KLF8: variants seen among roughly 807,000 people sequenced by gnomAD.
KLF8 encodes the protein KLF transcription factor 8.
In KLF8, 10 loss-of-function variants were observed where a neutral mutation model predicts 18.2. The ratio of observed to expected loss-of-function variants is 0.55; its 90% CI spans 0.34 to 0.93. KLF8 has a LOEUF of 0.93. KLF8 is among the 40% of genes least tolerant of loss of function. The pLI is 0.02. For synonymous variants in KLF8, 109 were observed against 97.3 expected (o/e 1.12, Z -0.71); for missense variants, 264 against 277.9 (o/e 0.95, Z 0.36).
chrX:55,997,949 C>A, the KLF8 span, among the ~76,000 whole-genome samples: 2 of 111,186 alleles, frequency 1.8e-5, no homozygotes, highest in African/African-American at 6.6e-5. Context: ...ATTTATTGAT[C>A]ATTCGTGGGT....
At chrX:55,969,294 G>A in the KLF8 span, among the ~76,000 whole-genome samples, 1 of 111,478 alleles carries the variant, frequency 9.0e-6, no homozygotes, top group Admixed American at 9.5e-5. Context: ...ATCAAAAACA[G>A]AACAATTTTG....
At chrX:55,957,857 G>A in the KLF8 span, among the ~76,000 whole-genome samples, 1 of 111,075 alleles carries the variant, frequency 9.0e-6, no homozygotes, top group African/African-American at 3.3e-5. Flanking sequence ...CTTTGTTCCA[G>A]GCATTAAGTG....
At chrX:55,937,871 A>G in the KLF8 span, among the ~76,000 whole-genome samples, 69 of 112,167 alleles carry the variant, frequency 6.2e-4, no homozygotes, top group African/African-American at 2.1e-3. Flanking sequence ...ATATGGGACT[A>G]TGGGAAAAGA....
the KLF8 span, among the ~76,000 whole-genome samples, chrX:56,185,782 T>A: frequency 9.0e-6 from 1 of 111,626 alleles, no homozygotes; most frequent in Admixed American, 9.6e-5. Flanking sequence ...CTAAGCTTCA[T>A]AAGTGAAGGA....
chrX:55,942,473 C>G, the KLF8 span, among the ~76,000 whole-genome samples: 1 of 110,091 alleles, frequency 9.1e-6, no homozygotes, highest in Non-Finnish European at 1.9e-5. Flanking sequence ...ACATATATAA[C>G]AAATCTGTAC....
the KLF8 span, among the ~76,000 whole-genome samples, chrX:56,055,731 A>G: frequency 9.0e-6 from 1 of 111,499 alleles, no homozygotes; most frequent in African/African-American, 3.3e-5. Flanking sequence ...TCTTTACACA[A>G]TCCCATATTT....
chrX:56,003,396 C>T, the KLF8 span, among the ~76,000 whole-genome samples: 25 of 102,624 alleles, frequency 2.4e-4, no homozygotes, highest in African/African-American at 8.6e-4. Context: ...GGTGACAGAG[C>T]GAGACTCCGT....
At chrX:55,946,936 G>A in the KLF8 span, among the ~76,000 whole-genome samples, 2 of 111,780 alleles carry the variant, frequency 1.8e-5, no homozygotes, top group Non-Finnish European at 3.8e-5. Context: ...ACCACAATGA[G>A]ATACCATCTC....
At chrX:56,269,085 C>A in intron 3 of KLF8, 1 of 908,559 alleles carries the variant, frequency 1.1e-6, no homozygotes, top group South Asian at 3.3e-5. Context: ...AAAGATGAAT[C>A]ATACCCAGAC....
the KLF8 span, among the ~76,000 whole-genome samples, chrX:56,172,393 G>C: frequency 2.7e-5 from 3 of 111,194 alleles, no homozygotes; most frequent in Non-Finnish European, 5.7e-5. Flanking sequence ...TACTGAGAAT[G>C]ATGGTTTCCA....
At chrX:56,078,258 A>G in the KLF8 span, among the ~76,000 whole-genome samples, 6 of 111,703 alleles carry the variant, frequency 5.4e-5, no homozygotes, top group Admixed American at 9.5e-5. Flanking sequence ...TGCCCATTCA[A>G]TATGATATTG....
chrX:56,241,132 A>G (rs991605021), intron 1 of KLF8, among the ~76,000 whole-genome samples: 12 of 112,019 alleles, frequency 1.1e-4, no homozygotes, highest in Non-Finnish European at 1.5e-4. Context: ...GAGTAGGCGC[A>G]TGGGGTTTTT....
chrX:56,061,455 T>C, the KLF8 span, among the ~76,000 whole-genome samples: 3 of 111,900 alleles, frequency 2.7e-5, no homozygotes, highest in Non-Finnish European at 3.8e-5. Flanking sequence ...TTGTTCAGTT[T>C]CCATCTAGTT....
the KLF8 span, among the ~76,000 whole-genome samples, chrX:56,053,962 A>C: frequency 9.1e-6 from 1 of 110,259 alleles, no homozygotes; most frequent in South Asian, 3.8e-4. Context: ...CAACTCCTTG[A>C]GTTAATCTTT....
the KLF8 span, among the ~76,000 whole-genome samples, chrX:56,065,574 G>T: frequency 2.7e-5 from 3 of 110,688 alleles, no homozygotes; most frequent in East Asian, 8.4e-4. Context: ...TCTGTTGCTG[G>T]AAAGTTGTTG....
the KLF8 span, among the ~76,000 whole-genome samples, chrX:56,215,161 T>C: frequency 9.0e-6 from 1 of 111,633 alleles, no homozygotes; most frequent in Non-Finnish European, 1.9e-5. Flanking sequence ...ATTAAGCATC[T>C]CATATTAAGT....
chrX:56,247,470 T>C (rs1348530198), intron 1 of KLF8, among the ~76,000 whole-genome samples: 1 of 112,094 alleles, frequency 8.9e-6, no homozygotes, highest in African/African-American at 3.2e-5. Flanking sequence ...TTATAAACAA[T>C]TTTTTCTTAT....
chrX:56,043,594 T>A, the KLF8 span, among the ~76,000 whole-genome samples: 1 of 112,147 alleles, frequency 8.9e-6, no homozygotes, highest in African/African-American at 3.2e-5. Flanking sequence ...TTCTTTTCTC[T>A]GCTTTTTCTA....
At chrX:56,135,003 A>G in the KLF8 span, among the ~76,000 whole-genome samples, 1 of 111,152 alleles carries the variant, frequency 9.0e-6, no homozygotes. Flanking sequence ...ATAAAAATCA[A>G]TACCACGAAG....
Sources: gnomAD v4.1 joint callset for allele counts (sites outside exome capture counted in the v4.1 genomes callset) on GRCh38, gnomAD v4.1.1 for gene constraint, MANE v1.5 for transcripts, NCBI Gene and HGNC (gene_info 2026-07-23, HGNC 2026-07-21) for gene names.